The following KANSL1 variants were observed in gnomAD, a reference collection of about 807,000 sequenced individuals.
The protein encoded by KANSL1 is KAT8 regulatory NSL complex subunit 1.
In KANSL1, 22 loss-of-function variants were observed where a neutral mutation model predicts 103.6. That is an observed-to-expected ratio of 0.21 (90% CI 0.15 to 0.30). KANSL1 has a LOEUF of 0.30. Among genes scored for constraint, KANSL1 ranks in the 10% least tolerant of loss-of-function variants. KANSL1 has a pLI of 1.00. For missense variants in KANSL1, 1,337 were observed against 1,399.8 expected (o/e 0.96, Z 0.72); for synonymous variants, 600 against 527.6 (o/e 1.14, Z -1.88).
chr17:46,135,339 C>T (rs1424746444), intron 2 of KANSL1, among the ~76,000 whole-genome samples: 1 of 151,828 alleles, frequency 6.6e-6, no homozygotes, highest in African/African-American at 2.4e-5. Context: ...AGGTTCACTG[C>T]ACTGGTCTCT....
chr17:46,101,754 C>CAAAAAAAAAAAAAAAAAAAAAAAAAAAA (rs372439614), intron 2 of KANSL1, among the ~76,000 whole-genome samples: 1 of 93,682 alleles, frequency 1.1e-5, no homozygotes, highest in Non-Finnish European at 1.8e-5. Flanking sequence ...ACTCTGTCTA[C>CAAAAAAAAAAAAAAAAAAAAAAAAAAAA]AAAAAAAAAA....
chr17:46,039,432 C>A, intron 8 of KANSL1: 2 of 603,920 alleles, frequency 3.3e-6, no homozygotes, highest in East Asian at 2.9e-5. Context: ...ACAGAAGACA[C>A]CTGCCCGTAG....
At chr17:46,073,301 G>T (rs189138701) in intron 4 of KANSL1, among the ~76,000 whole-genome samples, 22 of 152,296 alleles carry the variant, frequency 1.4e-4, no homozygotes, top group African/African-American at 4.6e-4. Flanking sequence ...AGTAGGATGA[G>T]CAAGGAAAGG....
intron 2 of KANSL1, among the ~76,000 whole-genome samples, chr17:46,097,201 AACG>A (rs1231537507): frequency 6.6e-6 from 1 of 152,384 alleles, no homozygotes; most frequent in African/African-American, 2.4e-5. Flanking sequence ...AATAAAAATA[AACG>A]ACATCTGTAT....
At chr17:46,086,375 T>C (rs147272381) in intron 3 of KANSL1, among the ~76,000 whole-genome samples, 1 of 152,192 alleles carries the variant, frequency 6.6e-6, no homozygotes, top group African/African-American at 2.4e-5. Flanking sequence ...TACAGGCCAA[T>C]ACATGGCAGA....
intron 2 of KANSL1, among the ~76,000 whole-genome samples, chr17:46,146,227 T>A (rs62063215): frequency 6.6e-6 from 1 of 152,128 alleles, no homozygotes; most frequent in South Asian, 2.1e-4. Context: ...CACCTCATAT[T>A]TGAATAGACG....
intron 2 of KANSL1, among the ~76,000 whole-genome samples, chr17:46,108,298 A>G (rs1434045930): frequency 6.6e-6 from 1 of 152,150 alleles, no homozygotes; most frequent in Non-Finnish European, 1.5e-5. Flanking sequence ...TGTTTGCTGA[A>G]CATGTTAGGC....
chr17:46,107,837 T>C (rs2042635263), intron 2 of KANSL1, among the ~76,000 whole-genome samples: 1 of 152,228 alleles, frequency 6.6e-6, no homozygotes, highest in Non-Finnish European at 1.5e-5. Flanking sequence ...GATGGATCTG[T>C]TCAGGTCAAA....
chr17:46,125,016 AGG>A (rs1243454720), intron 2 of KANSL1, among the ~76,000 whole-genome samples: 3 of 129,990 alleles, frequency 2.3e-5, no homozygotes, highest in Non-Finnish European at 3.3e-5. Context: ...AGGGAAGGGA[AGG>A]GAAGGGAGGG....
intron 2 of KANSL1, among the ~76,000 whole-genome samples, chr17:46,151,552 TTTAC>T (rs1231369890): frequency 6.6e-6 from 1 of 152,270 alleles, no homozygotes; most frequent in African/African-American, 2.4e-5. Flanking sequence ...TCGGTCATTA[TTTAC>T]TTATCTGTCT....
intron 2 of KANSL1, among the ~76,000 whole-genome samples, chr17:46,097,093 A>G (rs1296123017): frequency 2.0e-5 from 3 of 152,264 alleles, no homozygotes; most frequent in Non-Finnish European, 4.4e-5. Flanking sequence ...AAACAGGTTC[A>G]CTGGAGGAGA....
chr17:46,181,615 A>G (rs1192447491), intron 1 of KANSL1, among the ~76,000 whole-genome samples: 1 of 152,164 alleles, frequency 6.6e-6, no homozygotes, highest in Non-Finnish European at 1.5e-5. Flanking sequence ...TAATTTTAGT[A>G]GAGATGGGGT....
At chr17:46,033,228 T>C in intron 12 of KANSL1, 36 bp from the exon 13 acceptor site, 1 of 1,536,086 alleles carries the variant, frequency 6.5e-7, no homozygotes, top group Non-Finnish European at 8.9e-7. Context: ...CCCTCTTTTC[T>C]CCAGGAGTTA....
chr17:46,137,558 A>T (rs931991703), intron 2 of KANSL1, among the ~76,000 whole-genome samples: 1 of 152,220 alleles, frequency 6.6e-6, no homozygotes, highest in Non-Finnish European at 1.5e-5. Context: ...TTAATTTGAT[A>T]ATGTCACTTC....
chr17:46,200,619 G>A (rs1175673495), intron 1 of KANSL1, among the ~76,000 whole-genome samples: 2 of 152,162 alleles, frequency 1.3e-5, no homozygotes, highest in South Asian at 2.1e-4. Context: ...GGGGGCACCC[G>A]TAGTCCCAGC....
At position 46,171,421 on chromosome 17, in the gene KANSL1, T is replaced by C. The variant is rs375054119; in HGVS notation, c.723A>G (p.Ala241=). The change falls in exon 2 of 15, where the codon GCA becomes GCG. Residue 241 remains alanine, a synonymous_variant. Transcript: ENST00000432791. ...GTGATAATCTACTGCTTCCTTGAAGTGCCGGCTGTTCCATGGAATTGACAG... is the reference window on the plus strand; with the variant it reads ...GTGATAATCTACTGCTTCCTTGAAGCGCCGGCTGTTCCATGGAATTGACAG... ...KSSVNSMEQP[A]LQGSSRLSPG... The C allele has an allele frequency of 6.8e-6, 11 of 1,613,984 alleles. No individual in the cohort carries two copies. Among genetic ancestry groups the C allele is most frequent in the Non-Finnish European group, 9.3e-6 (11 of 1,180,014 alleles).
At chr17:46,152,932 CCTTT>C (rs1383281459) in intron 2 of KANSL1, 3 of 152,204 alleles carry the variant, frequency 2.0e-5, no homozygotes, top group Admixed American at 1.3e-4. Flanking sequence ...TCCATCTATC[CCTTT>C]CTTTCTTTAT....
Position 46,076,728 on chromosome 17 carries a change from T to C in KANSL1, c.1533+5713A>G, listed in dbSNP as rs533604719. Among the ~76,000 whole-genome samples the C allele has an allele frequency of 4.9e-4, 75 of 152,220 alleles. 1 individual carries two copies. The highest frequency in any genetic ancestry group is 1.8e-3 in the African/African-American group (73 of 41,560). On this transcript the variant is annotated intron_variant, in intron 4 of 14. Transcript: ENST00000432791. The stretch of plus-strand genomic sequence containing the variant: ...TATGTAATCTTTTTCAGAAGTTTTA[T>C]GGTTTCAGCAATAAAGTCATTAACG...
chr17:46,049,240 CTTTTT>C (rs34418861), intron 7 of KANSL1, among the ~76,000 whole-genome samples: 4 of 75,768 alleles, frequency 5.3e-5, no homozygotes, highest in African/African-American at 1.6e-4. Flanking sequence ...CATCCAAGAC[CTTTTT>C]TTTTTTTTTT....
Sources: gnomAD v4.1 joint callset for allele counts (sites outside exome capture counted in the v4.1 genomes callset) on GRCh38, gnomAD v4.1.1 for gene constraint, MANE v1.5 for transcripts, NCBI Gene and HGNC (gene_info 2026-07-23, HGNC 2026-07-21) for gene names.